LPO: variants seen among roughly 807,000 people sequenced by gnomAD.
LPO encodes the protein salivary peroxidase.
In LPO, 70 loss-of-function variants were observed where a neutral mutation model predicts 68.4. The ratio of observed to expected loss-of-function variants is 1.02; its 90% CI spans 0.84 to 1.25. LPO has a LOEUF of 1.25. LPO is among the 50% of genes most tolerant of loss of function. The probability of loss-of-function intolerance (pLI) is 0.00; values close to 1 mark genes in which losing one functional copy is unlikely to be tolerated. For missense variants in LPO, 873 were observed against 908.4 expected (o/e 0.96, Z 0.50); for synonymous variants, 360 against 357.6 (o/e 1.01, Z -0.08).
rs1598027153 is a variant in LPO, at chr17:58,254,547, T to C, written c.1106-264T>C. The C allele has an allele frequency of 4.0e-5, 13 of 321,034 alleles. No individual in the cohort carries two copies. In the East Asian group the frequency reaches 7.3e-4, roughly 18 times the overall value. The allele number at this position is 321,034 out of a possible 1,614,324, so 19.9% of individuals were successfully genotyped here. A position where few individuals can be genotyped will look rare whatever the true frequency, so the allele number is the denominator to read the frequency against. On this transcript the variant is annotated intron_variant, in intron 8 of 12. Transcript: ENST00000262290. ...GCTGTGATAGGCTTTATTCTCATTT[T>C]CATAGGTAAGGAGACCGAGGCTCAG... is the stretch of plus-strand genomic sequence containing the variant.
chr17:58,267,308 G>A (rs756785277), intron 11 of LPO, 41 bp from the exon 12 acceptor site: 1 of 1,539,832 alleles, frequency 6.5e-7, no homozygotes, highest in Non-Finnish European at 9.0e-7. Flanking sequence ...CTGTGAACAG[G>A]AAGTCCCCGG....
chr17:58,256,176 T>G (rs8178359), intron 9 of LPO, among the ~76,000 whole-genome samples: 5,914 of 152,294 alleles, frequency 0.039, 386 homozygotes, highest in African/African-American at 0.13. Context: ...TATATAAATA[T>G]TTCATTCCTT....
intron 8 of LPO, 97 bp from the exon 9 acceptor site, chr17:58,254,714 G>C (rs1393821984): frequency 1.1e-5 from 13 of 1,220,652 alleles, no homozygotes; most frequent in South Asian, 3.0e-5. Context: ...GGGGGGGGCG[G>C]GGCGCGGTCC....
rs1283705093 is a variant in LPO at position 58,252,495 on chromosome 17, G to T, written c.1094G>T (p.Cys365Phe). The change falls in exon 8 of 13, where the codon TGC becomes TTC. Residue 365 changes from cysteine (C) to phenylalanine (F), a missense_variant. Transcript: ENST00000262290. The stretch of plus-strand genomic sequence containing the variant: ...ATCAACACCACTGCCCGTGTGCCCT[G>T]CTTCCTGGCAGGTGAGTCTAGCCTG... ...EFINTTARVP[C>F]FLAGDSRASE... is the part of the protein sequence containing the mutation. The T allele has an allele frequency of 6.2e-7, 1 of 1,610,874 alleles. No individual in the cohort carries two copies. The highest frequency in any genetic ancestry group is 1.3e-5 in the African/African-American group (1 of 74,848).
intron 9 of LPO, among the ~76,000 whole-genome samples, chr17:58,256,990 C>CTTTTTTTTTTTTTTTTTT (rs1040765289): frequency 2.7e-5 from 2 of 75,040 alleles, no homozygotes; most frequent in Non-Finnish European, 4.7e-5. Context: ...AGGTCTTACT[C>CTTTTTTTTTTTTTTTTTT]TTTTTTTTTT....
At chr17:58,256,150 C>T (rs1215324688) in intron 9 of LPO, among the ~76,000 whole-genome samples, 3 of 152,312 alleles carry the variant, frequency 2.0e-5, no homozygotes, top group Admixed American at 6.5e-5. Context: ...CTTTGAGGCT[C>T]ATCCATGCTG....
chr17:58,265,059 C>G, intron 10 of LPO, 85 bp downstream of exon 10: 1 of 1,555,926 alleles, frequency 6.4e-7, no homozygotes, highest in Non-Finnish European at 8.7e-7. Flanking sequence ...AGTCAGATTC[C>G]AAGCACTTTT....
chr17:58,239,480 T>C (rs1385988726), intron 1 of LPO, among the ~76,000 whole-genome samples: 3 of 152,156 alleles, frequency 2.0e-5, no homozygotes, highest in African/African-American at 7.2e-5. Context: ...TGATAAGAGC[T>C]ATCTCTTCAT....
chr17:58,252,073 C>T lies in LPO; in HGVS notation c.781-109C>T, dbSNP rs143601789. 1.1e-4 allele frequency: 108 copies of T among 966,890 alleles called. No homozygotes were observed. The East Asian group carries it at 2.6e-3, about 23-fold the overall frequency. The allele number at this position is 966,890 out of a possible 1,614,324, so 59.9% of individuals were successfully genotyped here. A position where few individuals can be genotyped will look rare whatever the true frequency, so the allele number is the denominator to read the frequency against. ...GGGGTCAGTGTCTGGTACCAGGGTC[C>T]TAGGAGGGTGCCATCAGCATCTTTG... On this transcript the variant is annotated intron_variant, in intron 7 of 12. Transcript: ENST00000262290.
At chr17:58,243,727 C>T in intron 2 of LPO, 1 of 524,674 alleles carries the variant, frequency 1.9e-6, no homozygotes, top group South Asian at 2.2e-5. Flanking sequence ...CCTGAGTGGC[C>T]ACACTCCCTC....
rs764112101 is a variant in LPO, at chr17:58,254,868, G to T, written c.1163G>T (p.Arg388Leu). Residue 388 changes from arginine to leucine, a missense_variant, in exon 9 of 13, where the codon CGC (arginine) becomes CTC (leucine). Coordinates refer to ENST00000262290, the MANE Select transcript of LPO (RefSeq NM_006151.3). ...GCCACATCCCACACCCTCTTTCTCCGCGAGCATAACCGGCTGGCCAGAGAA... is the reference window on the plus strand; with the variant it reads ...GCCACATCCCACACCCTCTTTCTCCTCGAGCATAACCGGCTGGCCAGAGAA... Reference protein sequence around the residue: ...LLATSHTLFLREHNRLARELK... With the variant: ...LLATSHTLFLLEHNRLARELK... 1.2e-6 allele frequency: 2 copies of T among 1,614,106 alleles called. No individual in the cohort carries two copies. Among genetic ancestry groups the T allele is most frequent in the Non-Finnish European group, 1.7e-6 (2 of 1,180,018 alleles).
Position 58,268,062 on chromosome 17 carries a change from G to A in LPO, c.*68G>A. On this transcript the variant is annotated 3_prime_UTR_variant, in exon 13 of 13. Transcript: ENST00000262290. ...CATTTCAAGCAAGTTCAATGACCTG[G>A]TCCCTTAGAGCTCCATATCCCAGTC... 1.3e-6 allele frequency: 2 copies of A among 1,489,458 alleles called. No individual in the cohort carries two copies. Among genetic ancestry groups the A allele is most frequent in the East Asian group, 4.6e-5 (2 of 43,870 alleles). 92.3% of individuals were successfully genotyped at this position (1,489,458 alleles called of 1,614,324 possible). A position where few individuals can be genotyped will look rare whatever the true frequency, so the allele number is the denominator to read the frequency against.
chr17:58,239,677 A>T (rs951892155), intron 1 of LPO, among the ~76,000 whole-genome samples: 1 of 152,086 alleles, frequency 6.6e-6, no homozygotes, highest in African/African-American at 2.4e-5. Context: ...GTGACTGCTC[A>T]GCGACATTGA....
chr17:58,247,413 T>G, intron 3 of LPO, 65 bp from the exon 4 acceptor site: 9 of 624,900 alleles, frequency 1.4e-5, no homozygotes, highest in Non-Finnish European at 2.2e-5. Context: ...CTCCCACCCC[T>G]CCAGCGGCCC....
chr17:58,247,991 C>T (rs1192036720), intron 4 of LPO, among the ~76,000 whole-genome samples: 1 of 151,946 alleles, frequency 6.6e-6, no homozygotes, highest in African/African-American at 2.4e-5. Context: ...CACAGTGTCA[C>T]CACTTCCTCT....
intron 7 of LPO, 198 bp downstream of exon 7, chr17:58,250,819 C>G (rs964667808): frequency 2.2e-5 from 13 of 599,928 alleles, no homozygotes; most frequent in Non-Finnish European, 3.6e-5. Flanking sequence ...AGGCAGTGCA[C>G]TAAGCGCTGA....
chr17:58,260,399 C>T (rs752153728), intron 9 of LPO, among the ~76,000 whole-genome samples: 1 of 152,160 alleles, frequency 6.6e-6, no homozygotes, highest in Non-Finnish European at 1.5e-5. Context: ...ATTCCTGGAA[C>T]TTCCTAGTGG....
chr17:58,243,272 G>T (rs908220612), intron 2 of LPO: 6 of 528,342 alleles, frequency 1.1e-5, no homozygotes, highest in Non-Finnish European at 2.0e-5. Flanking sequence ...GGTGTTCCCT[G>T]GCTTGTAGCT....
intron 8 of LPO, 132 bp from the exon 9 acceptor site, chr17:58,254,679 G>T (rs1032152883): frequency 2.5e-6 from 2 of 785,288 alleles, no homozygotes; most frequent in East Asian, 2.7e-5. Flanking sequence ...TTCACCTGAC[G>T]GGAAGTAGGG....
Sources: gnomAD v4.1 joint callset for allele counts (sites outside exome capture counted in the v4.1 genomes callset) on GRCh38, gnomAD v4.1.1 for gene constraint, MANE v1.5 for transcripts, NCBI Gene and HGNC (gene_info 2026-07-23, HGNC 2026-07-21) for gene names.